Variants in RCC1L observed in about 807,000 individuals in gnomAD.
RCC1L encodes the protein RCC1 like, also known as RCC1-like G exchanging factor-like protein.
A neutral mutation model predicts 58.6 loss-of-function variants in RCC1L; 46 were observed. The observed-to-expected ratio is 0.79, with a 90% CI of 0.62 to 1.00. The LOEUF (loss-of-function observed/expected upper bound fraction) is 1.00, where lower values mean the gene tolerates loss of function less well. Among genes scored for constraint, RCC1L ranks in the 50% least tolerant of loss-of-function variants. The pLI is 0.00. For synonymous variants in RCC1L, 281 were observed against 262.9 expected (o/e 1.07, Z -0.67); for missense variants, 636 against 623.6 (o/e 1.02, Z -0.21).
At chr7:75,039,100 GA>G (rs1291499437), downstream of RCC1L, among the ~76,000 whole-genome samples, 11 of 152,184 alleles carry the variant, frequency 7.2e-5, no homozygotes, top group Non-Finnish European at 4.4e-5. Context: ...TCGGACCCCC[GA>G]AGTGCTGGGA....
chr7:75,042,512 G>C lies in RCC1L; in HGVS notation c.*520C>G. On this transcript the variant is annotated 3_prime_UTR_variant, in exon 11 of 11. Transcript: ENST00000610322. Reference sequence around the variant, plus strand: ...TCTAGTGTCCCCCCAGCGAGCTTGCGGTGTGGCAGGCGGCCAGGAAGGGCC... The same window carrying C: ...TCTAGTGTCCCCCCAGCGAGCTTGCCGTGTGGCAGGCGGCCAGGAAGGGCC... 1 of 991,012 alleles carries C rather than the reference G, an allele frequency of 1.0e-6. No homozygotes were observed. Among genetic ancestry groups the C allele is most frequent in the South Asian group, 4.6e-5 (1 of 21,890 alleles). The allele number at this position is 991,012 out of a possible 1,614,324, so 61.4% of individuals were successfully genotyped here. A position where few individuals can be genotyped will look rare whatever the true frequency, so the allele number is the denominator to read the frequency against.
Position 75,057,508 on chromosome 7 carries a change from C to T in RCC1L, c.1057+21G>A, listed in dbSNP as rs973029538. ...AATCTACCTACAGCTTCCCAATGAG[C>T]CACCGGAAAGAAGGTCTCACCGTTT... is the stretch of plus-strand genomic sequence containing the variant. On this transcript the variant is annotated intron_variant, in intron 8 of 10. Coordinates refer to ENST00000610322, the MANE Select transcript of RCC1L (RefSeq NM_030798.5). 3 of 1,612,760 alleles carry T rather than the reference C, an allele frequency of 1.9e-6. No homozygotes were observed. The Admixed American group carries it at 5.0e-5, about 27-fold the overall frequency.
chr7:75,059,331 C>T (rs975479951), intron 6 of RCC1L, among the ~76,000 whole-genome samples: 2 of 150,336 alleles, frequency 1.3e-5, no homozygotes, highest in African/African-American at 2.4e-5. Context: ...GGTGCGATCT[C>T]GGCTCACTGC....
downstream of RCC1L, among the ~76,000 whole-genome samples, chr7:75,040,905 G>C (rs1805540534): frequency 6.6e-6 from 1 of 152,102 alleles, no homozygotes; most frequent in Admixed American, 6.6e-5. Context: ...CTGCTGGCTG[G>C]GTGACCATTC....
At chr7:75,046,263 G>A (rs1237514796) in intron 10 of RCC1L, among the ~76,000 whole-genome samples, 8 of 152,350 alleles carry the variant, frequency 5.3e-5, no homozygotes, top group Admixed American at 2.0e-4. Flanking sequence ...GCAAAGGCAC[G>A]TCGATGCAGA....
At chr7:75,028,112 T>TG in intron 10 of RCC1L, 1 of 1,443,156 alleles carries the variant, frequency 6.9e-7, no homozygotes, top group Non-Finnish European at 9.1e-7. Flanking sequence ...CTCTATGATG[T>TG]GGAATTTTTT....
At chr7:75,069,965 G>C (rs1243236309) in intron 2 of RCC1L, among the ~76,000 whole-genome samples, 1 of 152,074 alleles carries the variant, frequency 6.6e-6, no homozygotes, top group East Asian at 1.9e-4. Context: ...ACAATCCAAG[G>C]CTCAAACATT....
intron 9 of RCC1L, among the ~76,000 whole-genome samples, chr7:75,054,047 C>T (rs996519684): frequency 2.6e-5 from 4 of 152,114 alleles, no homozygotes; most frequent in Non-Finnish European, 4.4e-5. Context: ...GGACTACAGG[C>T]GCACACCACC....
intron 1 of RCC1L, among the ~76,000 whole-genome samples, chr7:75,071,717 G>T (rs1554446131): frequency 6.6e-6 from 1 of 152,064 alleles, no homozygotes; most frequent in East Asian, 1.9e-4. Flanking sequence ...GATCTCCTTA[G>T]TTTTGAATCC....
downstream of RCC1L, among the ~76,000 whole-genome samples, chr7:75,041,863 C>CAAAAAAAAA (rs1201913828): frequency 3.1e-5 from 2 of 64,484 alleles, no homozygotes; most frequent in Non-Finnish European, 3.7e-5. Flanking sequence ...GACTCTGTCT[C>CAAAAAAAAA]AAAAAAAAAA....
At chr7:75,056,581 C>G in intron 8 of RCC1L, 1 of 1,533,582 alleles carries the variant, frequency 6.5e-7, no homozygotes, top group Non-Finnish European at 8.7e-7. Context: ...AAGCTGAAGG[C>G]TGTTCTCCCA....
intron 10 of RCC1L, among the ~76,000 whole-genome samples, chr7:75,051,023 G>A (rs1177487848): frequency 6.6e-6 from 1 of 151,904 alleles, no homozygotes; most frequent in Non-Finnish European, 1.5e-5. Flanking sequence ...AGCCCAGGAA[G>A]GTCAAGGCTG....
At chr7:75,031,680 C>T (rs920712253) in intron 10 of RCC1L, among the ~76,000 whole-genome samples, 1 of 151,974 alleles carries the variant, frequency 6.6e-6, no homozygotes, top group Non-Finnish European at 1.5e-5. Context: ...CCCCCAGAGC[C>T]GGAGGGGTTG....
At chr7:75,069,678 C>T (rs1340883427) in intron 2 of RCC1L, among the ~76,000 whole-genome samples, 1 of 152,174 alleles carries the variant, frequency 6.6e-6, no homozygotes, top group African/African-American at 2.4e-5. Context: ...TCTTGTGCCT[C>T]AGCCTCCGAA....
intron 4 of RCC1L, among the ~76,000 whole-genome samples, 165 bp downstream of exon 4, chr7:75,064,417 C>T (rs4731019): frequency 0.48 from 73,353 of 151,552 alleles, 19,971 homozygotes; most frequent in East Asian, 0.88. Context: ...TAACACATGG[C>T]GCTCAACCTG....
At position 75,036,622 on chromosome 7, in the gene RCC1L, G is replaced by A. The variant is rs925381919; in HGVS notation, c.1318-8543C>T. On this transcript the variant is annotated intron_variant, in intron 10 of 10. Coordinates refer to the RCC1L transcript ENST00000614461. ...ATATTTTTCTCCCGGGGCCAGGTGC[G>A]GTAGCTCACGCCTGTAATCCCAGCA... Among the ~76,000 whole-genome samples, 9 of 152,058 alleles carry A rather than the reference G, an allele frequency of 5.9e-5. No homozygotes were observed. In the East Asian group the frequency reaches 1.6e-3, roughly 26 times the overall value.
At chr7:75,069,067 C>T (rs2132011712) in intron 2 of RCC1L, among the ~76,000 whole-genome samples, 1 of 152,224 alleles carries the variant, frequency 6.6e-6, no homozygotes, top group East Asian at 1.9e-4. Context: ...CGGGGTTTCA[C>T]CATGTTGGTC....
chr7:75,047,336 A>T (rs995015271), intron 10 of RCC1L, among the ~76,000 whole-genome samples: 5 of 151,750 alleles, frequency 3.3e-5, no homozygotes, highest in African/African-American at 4.8e-5. Flanking sequence ...GTGTGATCAT[A>T]GCTCACTGCA....
In RCC1L at chr7:75,068,096, G is replaced by A. The variant is rs587686925; in HGVS notation, c.455-1304C>T. ...CCACTTTGGGAGGCCGAGGCAGGTG[G>A]ATCACCTGAGGTCGGGAGCTTGAGA... On this transcript the variant is annotated intron_variant, in intron 2 of 10. Coordinates refer to ENST00000610322, the MANE Select transcript of RCC1L (RefSeq NM_030798.5). 2.6e-3 allele frequency among the ~76,000 whole-genome samples: 396 copies of A among 152,054 alleles called. 5 individuals carry two copies. Among genetic ancestry groups the A allele is most frequent in the African/African-American group, 9.0e-3 (374 of 41,492 alleles).
Sources: allele counts gnomAD v4.1 joint callset (sites outside exome capture counted in the v4.1 genomes callset), GRCh38; gene constraint gnomAD v4.1.1; transcripts MANE v1.5; gene names NCBI Gene and HGNC (gene_info 2026-07-23, HGNC 2026-07-21).